PDE1C: variants seen among roughly 807,000 people sequenced by gnomAD.
The protein encoded by PDE1C is phosphodiesterase 1C.
PDE1C carries 62 observed loss-of-function variants against 93.1 expected under a neutral mutation model. The observed-to-expected ratio is 0.67, with a 90% CI of 0.54 to 0.82. The LOEUF is 0.82. Among genes scored for constraint, PDE1C ranks in the 40% least tolerant of loss-of-function variants. The probability of loss-of-function intolerance (pLI) is 0.00; values close to 1 mark genes in which losing one functional copy is unlikely to be tolerated. For missense variants in PDE1C, 742 were observed against 884.6 expected (o/e 0.84, Z 2.04); for synonymous variants, 325 against 310.1 (o/e 1.05, Z -0.50).
At chr7:32,182,743 A>C (rs1803533581) in intron 2 of PDE1C, among the ~76,000 whole-genome samples, 1 of 152,190 alleles carries the variant, frequency 6.6e-6, no homozygotes, top group Non-Finnish European at 1.5e-5. Flanking sequence ...CTGGCACAAG[A>C]CAGGGATGCC....
chr7:31,769,567 A>G (rs976098493), intron 17 of PDE1C, among the ~76,000 whole-genome samples: 7 of 152,188 alleles, frequency 4.6e-5, no homozygotes, highest in Non-Finnish European at 1.0e-4. Context: ...GTTTATGGCA[A>G]TTTGTCTATC....
the PDE1C span, among the ~76,000 whole-genome samples, chr7:31,629,103 A>G: frequency 6.6e-6 from 1 of 152,242 alleles, no homozygotes; most frequent in Non-Finnish European, 1.5e-5. Context: ...GGAAACTTCT[A>G]TCCTTCTATT....
chr7:31,881,280 C>T (rs1037531521), intron 2 of PDE1C, among the ~76,000 whole-genome samples: 3 of 152,028 alleles, frequency 2.0e-5, no homozygotes, highest in African/African-American at 7.2e-5. Flanking sequence ...AGCCCCATGA[C>T]CCAGGCATGT....
At chr7:31,800,261 T>A (rs1384804826) in intron 16 of PDE1C, among the ~76,000 whole-genome samples, 1 of 151,596 alleles carries the variant, frequency 6.6e-6, no homozygotes, top group African/African-American at 2.4e-5. Context: ...GCATAATTTA[T>A]CAATTTGTTT....
At chr7:31,859,422 G>A (rs1348714306) in intron 7 of PDE1C, among the ~76,000 whole-genome samples, 1 of 144,984 alleles carries the variant, frequency 6.9e-6, no homozygotes. Flanking sequence ...ATATAATATA[G>A]AATATATTAT....
At chr7:32,164,086 C>T (rs952175943) in intron 3 of PDE1C, among the ~76,000 whole-genome samples, 2 of 152,228 alleles carry the variant, frequency 1.3e-5, no homozygotes, top group African/African-American at 4.8e-5. Flanking sequence ...GCCCATGTCT[C>T]ACCACTCTGA....
intron 1 of PDE1C, among the ~76,000 whole-genome samples, chr7:32,378,793 CCCCTT>C (rs1784478639): frequency 6.6e-6 from 1 of 152,208 alleles, no homozygotes; most frequent in Non-Finnish European, 1.5e-5. Context: ...GCCACCTACA[CCCCTT>C]CCCCTTGAAA....
the PDE1C span, among the ~76,000 whole-genome samples, chr7:31,638,227 A>G: frequency 2.6e-5 from 4 of 152,250 alleles, no homozygotes; most frequent in African/African-American, 9.6e-5. Context: ...AGGAAACTGA[A>G]AAGTTTTAAT....
At chr7:31,668,040 G>A in the PDE1C span, among the ~76,000 whole-genome samples, 1 of 152,106 alleles carries the variant, frequency 6.6e-6, no homozygotes, top group African/African-American at 2.4e-5. Flanking sequence ...AGAGGGACTA[G>A]GGAAAAACTG....
At chr7:31,643,622 G>A in the PDE1C span, 2 of 1,613,966 alleles carry the variant, frequency 1.2e-6, no homozygotes, top group South Asian at 1.1e-5. Flanking sequence ...ACAAGACTGG[G>A]GACAAAAGCA....
chr7:31,918,758 G>A (rs761770326), intron 2 of PDE1C, among the ~76,000 whole-genome samples: 7 of 151,828 alleles, frequency 4.6e-5, no homozygotes, highest in South Asian at 2.1e-4. Flanking sequence ...TTATACCTTC[G>A]TCATTGCCTT....
Position 32,117,699 on chromosome 7 carries a change from T to G in PDE1C, c.308+52086A>C, listed in dbSNP as rs78252620. 9.3e-3 allele frequency among the ~76,000 whole-genome samples: 1,418 copies of G among 152,354 alleles called. 25 individuals are homozygous for G. The highest frequency in any genetic ancestry group is 0.032 in the African/African-American group (1,323 of 41,580). ...CTTTCACTTATTTTCTTGATCACTC[T>G]GGCTAGAGGTGTGTTTCTTATGGCA... On this transcript the variant is annotated intron_variant, in intron 3 of 18. Coordinates refer to the PDE1C transcript ENST00000396193.
intron 1 of PDE1C, among the ~76,000 whole-genome samples, chr7:32,361,552 T>A (rs563225812): frequency 6.6e-6 from 1 of 152,292 alleles, no homozygotes; most frequent in African/African-American, 2.4e-5. Flanking sequence ...CCCTCGCACA[T>A]GCCACGCATG....
chr7:31,876,141 T>C (rs1309848898), intron 5 of PDE1C, among the ~76,000 whole-genome samples: 1 of 152,034 alleles, frequency 6.6e-6, no homozygotes, highest in Admixed American at 6.6e-5. Flanking sequence ...CTCCAACTCA[T>C]TGCAAACAAA....
chr7:31,825,774 G>A (rs565605871), intron 12 of PDE1C, among the ~76,000 whole-genome samples: 1 of 152,234 alleles, frequency 6.6e-6, no homozygotes, highest in Non-Finnish European at 1.5e-5. Flanking sequence ...AGCAGGAGGT[G>A]GTACTGCCTC....
chr7:31,638,780 T>C, the PDE1C span, among the ~76,000 whole-genome samples: 1 of 152,032 alleles, frequency 6.6e-6, no homozygotes, highest in African/African-American at 2.4e-5. Context: ...TTGTTTTTCG[T>C]TTGTTTGTTT....
At chr7:31,637,463 T>C in the PDE1C span, among the ~76,000 whole-genome samples, 2 of 152,346 alleles carry the variant, frequency 1.3e-5, no homozygotes, top group African/African-American at 2.4e-5. Flanking sequence ...ATTGTGGTTT[T>C]GATTTGCATT....
chr7:31,736,898 C>T, the PDE1C span, among the ~76,000 whole-genome samples: 490 of 152,212 alleles, frequency 3.2e-3, 2 homozygotes, highest in African/African-American at 0.01. Flanking sequence ...AGTTGATGTT[C>T]TAATTACAAA....
chr7:32,317,868 T>C (rs1783207420), intron 1 of PDE1C, among the ~76,000 whole-genome samples: 1 of 152,222 alleles, frequency 6.6e-6, no homozygotes, highest in African/African-American at 2.4e-5. Context: ...AAATATCAGC[T>C]GTTGGTATCA....
Sources: allele counts gnomAD v4.1 joint callset (sites outside exome capture counted in the v4.1 genomes callset), GRCh38; gene constraint gnomAD v4.1.1; transcripts MANE v1.5; gene names NCBI Gene and HGNC (gene_info 2026-07-23, HGNC 2026-07-21).